Variants in CTNNAL1 observed in about 807,000 individuals in gnomAD.
The protein encoded by CTNNAL1 is alpha-catulin.
In CTNNAL1, 69 loss-of-function variants were observed where a neutral mutation model predicts 93.6. The ratio of observed to expected loss-of-function variants is 0.74; its 90% CI spans 0.61 to 0.90. The LOEUF (loss-of-function observed/expected upper bound fraction) is 0.90. Ranked by LOEUF, CTNNAL1 falls within the 40% of genes least tolerant of loss-of-function variation. CTNNAL1 has a pLI of 0.00. For missense variants in CTNNAL1, 836 were observed against 862.0 expected, an observed-to-expected ratio of 0.97 and a Z score of 0.38; for synonymous variants, 286 against 305.4, an observed-to-expected ratio of 0.94 and a Z score of 0.66.
intron 8 of CTNNAL1, 31 bp from the exon 9 acceptor site, chr9:108,972,864 G>GGGGGGCCCCCCCCCCCCC: frequency 1.3e-4 from 18 of 142,450 alleles, no homozygotes; most frequent in Non-Finnish European, 1.6e-4. Flanking sequence ...GGGGGGGTGG[G>GGGGGGCCCCCCCCCCCCC]AGGGTGGAGA....
intron 2 of CTNNAL1, among the ~76,000 whole-genome samples, chr9:108,996,694 T>G (rs1271783243): frequency 2.6e-5 from 4 of 152,042 alleles, no homozygotes; most frequent in Non-Finnish European, 5.9e-5. Flanking sequence ...CAACGGTTGT[T>G]AGAAGAAACA....
chr9:108,954,027 T>C (rs1009040779), intron 12 of CTNNAL1, among the ~76,000 whole-genome samples: 1 of 152,242 alleles, frequency 6.6e-6, no homozygotes, highest in Non-Finnish European at 1.5e-5. Flanking sequence ...ATACTTTATA[T>C]TATTCTTTTA....
At chr9:108,985,232 A>C (rs978734602) in intron 4 of CTNNAL1, among the ~76,000 whole-genome samples, 4 of 152,226 alleles carry the variant, frequency 2.6e-5, no homozygotes, top group African/African-American at 9.6e-5. Flanking sequence ...TCTGAGCTAT[A>C]TGGTCTCCAT....
At chr9:108,968,738 A>G (rs987525208) in intron 10 of CTNNAL1, among the ~76,000 whole-genome samples, 1 of 152,150 alleles carries the variant, frequency 6.6e-6, no homozygotes, top group Non-Finnish European at 1.5e-5. Flanking sequence ...AACATCCAAC[A>G]TGATTCTCCT....
intron 1 of CTNNAL1, among the ~76,000 whole-genome samples, chr9:109,001,006 CAAAAAAA>C (rs72260036): frequency 5.5e-5 from 7 of 127,032 alleles, no homozygotes; most frequent in African/African-American, 2.2e-4. Context: ...ACTAAAAATA[CAAAAAAA>C]AAAAAAAAAT....
At chr9:108,990,955 T>TGAG in intron 3 of CTNNAL1, 110 bp from the exon 4 acceptor site, 1 of 1,300,156 alleles carries the variant, frequency 7.7e-7, no homozygotes, top group Non-Finnish European at 1.0e-6. Context: ...AGGTGAAAGC[T>TGAG]GAGGAGGAGG....
intron 6 of CTNNAL1, among the ~76,000 whole-genome samples, chr9:108,981,886 C>T (rs1195756203): frequency 6.6e-6 from 1 of 152,152 alleles, no homozygotes; most frequent in African/African-American, 2.4e-5. Flanking sequence ...GATCGTGCCA[C>T]CACACTCCAG....
chr9:108,970,236 G>A (rs983434940), intron 10 of CTNNAL1, among the ~76,000 whole-genome samples, 166 bp downstream of exon 10: 2 of 152,200 alleles, frequency 1.3e-5, no homozygotes, highest in African/African-American at 4.8e-5. Context: ...CCAATGGAAG[G>A]TTAGCCATGT....
chr9:108,982,708 C>T lies in CTNNAL1; in HGVS notation c.900+437G>A, dbSNP rs868442039. 4.6e-5 allele frequency among the ~76,000 whole-genome samples: 7 copies of T among 152,204 alleles called. No individual in the cohort carries two copies. In the East Asian group the frequency reaches 5.8e-4, roughly 13 times the overall value. Reference sequence around the variant, plus strand: ...AGAGTGGCATTGCTTTAAATAGATACATTTGCTTTTGTGAAGCACTGTTCT... The same window carrying T: ...AGAGTGGCATTGCTTTAAATAGATATATTTGCTTTTGTGAAGCACTGTTCT... On this transcript the variant is annotated intron_variant, in intron 6 of 18. Transcript: ENST00000325551.
rs755459727 is a variant in CTNNAL1, at chr9:108,972,656, T to C, written c.1347+19A>G. ...AGCCATTATTAAACTACAATTTCTTTAGCACCTTGTTTACTCACCTCAACA... is the reference window on the plus strand; with the variant it reads ...AGCCATTATTAAACTACAATTTCTTCAGCACCTTGTTTACTCACCTCAACA... On this transcript the variant is annotated intron_variant, in intron 9 of 18. Coordinates refer to ENST00000325551, the MANE Select transcript of CTNNAL1 (RefSeq NM_003798.4). 3.1e-6 allele frequency: 5 copies of C among 1,594,216 alleles called. No homozygotes were observed. Among genetic ancestry groups the C allele is most frequent in the Non-Finnish European group, 4.3e-6 (5 of 1,171,356 alleles).
Position 108,992,627 on chromosome 9 carries a change from A to T in CTNNAL1, c.519+5T>A. 1 of 1,604,524 alleles carries T rather than the reference A, an allele frequency of 6.2e-7. No individual in the cohort carries two copies. Reference sequence around the variant, plus strand: ...AAAATACAGCAACATCAGAAAGGTAAGTACCTTATTTCTTGATGTTATTAT... The same window carrying T: ...AAAATACAGCAACATCAGAAAGGTATGTACCTTATTTCTTGATGTTATTAT... On this transcript the variant is annotated splice_donor_5th_base_variant and intron_variant, in intron 3 of 18. Transcript: ENST00000325551.
chr9:108,999,411 T>C (rs922627722), intron 1 of CTNNAL1, among the ~76,000 whole-genome samples, 155 bp from the exon 2 acceptor site: 1 of 152,174 alleles, frequency 6.6e-6, no homozygotes, highest in Admixed American at 6.5e-5. Flanking sequence ...CAGCAAAGTA[T>C]CCTGCATCAT....
chr9:108,975,987 T>C (rs912827660), intron 8 of CTNNAL1, among the ~76,000 whole-genome samples: 13 of 152,210 alleles, frequency 8.5e-5, no homozygotes, highest in African/African-American at 3.1e-4. Flanking sequence ...CAAAGGAATA[T>C]CTTTTAAAAT....
At chr9:108,952,084 C>T in intron 14 of CTNNAL1, 125 bp downstream of exon 14, 1 of 732,294 alleles carries the variant, frequency 1.4e-6, no homozygotes, top group Non-Finnish European at 2.1e-6. Flanking sequence ...ATAGTAACTA[C>T]TTTTAGTCTT....
chr9:109,010,764 A>AAGCTAGATGATACCAGAATAGAAACT (rs1827180865), intron 1 of CTNNAL1, among the ~76,000 whole-genome samples: 1 of 152,230 alleles, frequency 6.6e-6, no homozygotes, highest in Non-Finnish European at 1.5e-5. Context: ...GAGTCAGAAG[A>AAGCTAGATGATACCAGAATAGAAACT]AGCTAGATGA....
chr9:108,994,171 C>A (rs1411844052), intron 2 of CTNNAL1, among the ~76,000 whole-genome samples: 1 of 151,796 alleles, frequency 6.6e-6, no homozygotes, highest in Admixed American at 6.6e-5. Flanking sequence ...GCGGAGGTTG[C>A]AGTCAGCTGA....
intron 10 of CTNNAL1, among the ~76,000 whole-genome samples, chr9:108,967,209 C>A (rs761951058): frequency 5.3e-5 from 8 of 151,954 alleles, no homozygotes; most frequent in Non-Finnish European, 7.4e-5. Flanking sequence ...AGATAAAAGC[C>A]CTCTATTATG....
intron 2 of CTNNAL1, 57 bp from the exon 3 acceptor site, chr9:108,992,876 TTCTC>T: frequency 1.3e-6 from 2 of 1,522,740 alleles, no homozygotes; most frequent in Non-Finnish European, 1.8e-6. Context: ...AAATCTAGAC[TTCTC>T]TCTAACCTTG....
At chr9:109,001,172 CAAA>C (rs757020475) in intron 1 of CTNNAL1, among the ~76,000 whole-genome samples, 1 of 56,796 alleles carries the variant, frequency 1.8e-5, no homozygotes. Context: ...ACTCCATCTC[CAAA>C]AAAAAAAAAA....
Sources: allele counts gnomAD v4.1 joint callset (sites outside exome capture counted in the v4.1 genomes callset), GRCh38; gene constraint gnomAD v4.1.1; transcripts MANE v1.5; gene names NCBI Gene and HGNC (gene_info 2026-07-23, HGNC 2026-07-21).